GPR158: variants seen among roughly 807,000 people sequenced by gnomAD.
The protein encoded by GPR158 is metabotropic glycine receptor.
A neutral mutation model predicts 78.2 loss-of-function variants in GPR158; 30 were observed. The observed-to-expected ratio is 0.38, with a 90% CI of 0.29 to 0.52. The LOEUF is 0.52. Ranked by LOEUF, GPR158 falls within the 20% of genes least tolerant of loss-of-function variation. GPR158 has a pLI of 0.83. For missense variants in GPR158, 1,463 were observed against 1,523.5 expected (o/e 0.96, Z 0.66); for synonymous variants, 581 against 591.1 (o/e 0.98, Z 0.25).
At chr10:25,327,440 G>A (rs971109145) in intron 2 of GPR158, among the ~76,000 whole-genome samples, 16 of 152,222 alleles carry the variant, frequency 1.1e-4, no homozygotes, top group African/African-American at 3.9e-4. Context: ...GCTGTCAGCA[G>A]TACAGCAGCA....
chr10:25,328,951 ATT>A (rs1415261411), intron 2 of GPR158, among the ~76,000 whole-genome samples: 29 of 145,958 alleles, frequency 2.0e-4, no homozygotes, highest in Admixed American at 4.8e-4. Context: ...AAAAAAAAGA[ATT>A]ACTAAAGAAA....
intron 2 of GPR158, among the ~76,000 whole-genome samples, chr10:25,243,070 T>A (rs1321345149): frequency 6.6e-6 from 1 of 152,212 alleles, no homozygotes; most frequent in Non-Finnish European, 1.5e-5. Flanking sequence ...TGCTACTACA[T>A]CAAGTGCAAT....
intron 3 of GPR158, among the ~76,000 whole-genome samples, 177 bp downstream of exon 3, chr10:25,396,190 A>G (rs560528927): frequency 1.3e-5 from 2 of 152,310 alleles, no homozygotes; most frequent in East Asian, 1.9e-4. Flanking sequence ...CTGGAGAACC[A>G]CTAAAATATA....
chr10:25,565,726 C>T (rs551879494), intron 6 of GPR158, among the ~76,000 whole-genome samples: 141 of 152,236 alleles, frequency 9.3e-4, no homozygotes, highest in African/African-American at 3.1e-3. Context: ...CAGATCATGC[C>T]GAGAGGCATT....
intron 4 of GPR158, among the ~76,000 whole-genome samples, chr10:25,445,895 T>G (rs1363733976): frequency 6.6e-6 from 1 of 152,150 alleles, no homozygotes; most frequent in East Asian, 1.9e-4. Flanking sequence ...AAAGATGAGT[T>G]TGATTTTGGA....
chr10:25,205,978 G>A (rs2791327), intron 1 of GPR158, among the ~76,000 whole-genome samples: 21,131 of 140,506 alleles, frequency 0.15, 1,867 homozygotes, highest in East Asian at 0.33. Context: ...ACATCCAAAT[G>A]TGGGTCCCTC....
intron 2 of GPR158, among the ~76,000 whole-genome samples, chr10:25,333,363 C>G (rs1159690815): frequency 6.6e-6 from 1 of 152,146 alleles, no homozygotes; most frequent in Non-Finnish European, 1.5e-5. Context: ...TGTGGTCTTT[C>G]TCTTGGTTCA....
intron 1 of GPR158, among the ~76,000 whole-genome samples, chr10:25,185,991 A>C (rs1219054885): frequency 1.3e-5 from 2 of 152,178 alleles, no homozygotes; most frequent in Non-Finnish European, 1.5e-5. Context: ...TCCTCAGCAA[A>C]TATAAAAGAC....
intron 6 of GPR158, among the ~76,000 whole-genome samples, chr10:25,561,079 A>G (rs1229979949): frequency 3.3e-5 from 5 of 152,198 alleles, no homozygotes; most frequent in Admixed American, 2.0e-4. Context: ...GGTATTTTCT[A>G]TCTACAAAAC....
chr10:25,343,474 A>G (rs751560598), intron 2 of GPR158, among the ~76,000 whole-genome samples: 1 of 152,028 alleles, frequency 6.6e-6, no homozygotes, highest in Non-Finnish European at 1.5e-5. Flanking sequence ...ATAATAAGTT[A>G]CTAATTTTAT....
rs894726418 is a variant in GPR158, at chr10:25,580,903, TTTTTA to T, written c.1753+8041_1753+8045del. Among the ~76,000 whole-genome samples, 15 of 116,268 alleles carry T rather than the reference TTTTTA, an allele frequency of 1.3e-4. 1 individual carries two copies. Among genetic ancestry groups the T allele is most frequent in the East Asian group, 2.0e-4 (1 of 4,962 alleles). 76.3% of individuals were successfully genotyped at this position (116,268 alleles called of 152,430 possible). ...CATATGCCCAGCTAATTTTTTTATT[TTTTTA>T]TTTTATTTTATTTTATTTTATTTTT... On this transcript the variant is annotated intron_variant, in intron 7 of 10. Coordinates refer to ENST00000376351, the MANE Select transcript of GPR158 (RefSeq NM_020752.3).
In GPR158 at chr10:25,488,410, C is replaced by G. The variant is rs138428776; in HGVS notation, c.1404+21691C>G. Among the ~76,000 whole-genome samples the G allele has an allele frequency of 1.1e-3, 173 of 152,230 alleles. 1 individual carries two copies. Among genetic ancestry groups the G allele is most frequent in the African/African-American group, 3.7e-3 (152 of 41,546 alleles). On this transcript the variant is annotated intron_variant, in intron 5 of 10. Coordinates refer to ENST00000376351, the MANE Select transcript of GPR158 (RefSeq NM_020752.3). ...GAGAATTACGTGTATTGTGAAAACT[C>G]TATCTCTGCTATACATGTGGCTTTT...
At chr10:25,247,815 C>A (rs1588756334) in intron 2 of GPR158, among the ~76,000 whole-genome samples, 1 of 149,102 alleles carries the variant, frequency 6.7e-6, no homozygotes, top group Non-Finnish European at 1.5e-5. Context: ...ATTTATAGTC[C>A]TTTGGGTATA....
chr10:25,348,615 T>G (rs1855409114), intron 2 of GPR158, among the ~76,000 whole-genome samples: 1 of 151,976 alleles, frequency 6.6e-6, no homozygotes, highest in Non-Finnish European at 1.5e-5. Context: ...AAATAGAAAC[T>G]GAACACTTAT....
At chr10:25,390,583 A>C (rs1276418187) in intron 2 of GPR158, among the ~76,000 whole-genome samples, 2 of 152,234 alleles carry the variant, frequency 1.3e-5, no homozygotes, top group Non-Finnish European at 2.9e-5. Context: ...TCTAAGCAGC[A>C]AGGTGATCAA....
At chr10:25,261,419 A>T (rs1382168577) in intron 2 of GPR158, among the ~76,000 whole-genome samples, 1 of 152,164 alleles carries the variant, frequency 6.6e-6, no homozygotes, top group Non-Finnish European at 1.5e-5. Flanking sequence ...GTCAACTAAT[A>T]GCAAAATGTT....
At chr10:25,257,505 G>GCTCTATTT (rs1853905914) in intron 2 of GPR158, among the ~76,000 whole-genome samples, 1 of 152,140 alleles carries the variant, frequency 6.6e-6, no homozygotes. Context: ...TAATAATTCT[G>GCTCTATTT]CTCTATTTTC....
Position 25,443,573 on chromosome 10 carries a change from A to AAT in GPR158, c.1336-23078_1336-23077insAT, listed in dbSNP as rs1491399142. On this transcript the variant is annotated intron_variant, in intron 4 of 10. Transcript: ENST00000376351. ...CTGTTTCAAAAAAAAAAAAAAAAAA[A>AAT]TTTTTTTTTTTTTTGTAGAGGTGTC... Among the ~76,000 whole-genome samples, 524 of 92,644 alleles carry AAT rather than the reference A, an allele frequency of 5.7e-3. 5 individuals are homozygous for AAT. Among genetic ancestry groups the AAT allele is most frequent in the African/African-American group, 0.022 (493 of 22,094 alleles). 60.8% of individuals were successfully genotyped at this position (92,644 alleles called of 152,430 possible). A position where few individuals can be genotyped will look rare whatever the true frequency, so the allele number is the denominator to read the frequency against.
At chr10:25,273,690 AT>A (rs988657711) in intron 2 of GPR158, among the ~76,000 whole-genome samples, 1 of 151,252 alleles carries the variant, frequency 6.6e-6, no homozygotes, top group Admixed American at 6.6e-5. Flanking sequence ...TCTTTGTTTT[AT>A]TTTTTTGAGA....
Sources: gnomAD v4.1 joint callset for allele counts (sites outside exome capture counted in the v4.1 genomes callset) on GRCh38, gnomAD v4.1.1 for gene constraint, MANE v1.5 for transcripts, NCBI Gene and HGNC (gene_info 2026-07-23, HGNC 2026-07-21) for gene names.